The following EPHB2 variants were observed in gnomAD, a reference collection of about 807,000 sequenced individuals.
EPHB2 encodes ephrin type-B receptor 2.
A neutral mutation model predicts 96.4 loss-of-function variants in EPHB2; 18 were observed. That is an observed-to-expected ratio of 0.19 (90% CI 0.13 to 0.28). EPHB2 has a LOEUF of 0.28. Ranked by LOEUF, EPHB2 falls within the 10% of genes least tolerant of loss-of-function variation. EPHB2 has a pLI of 1.00. For missense variants in EPHB2, 989 were observed against 1,355.4 expected, an observed-to-expected ratio of 0.73 and a Z score of 4.25; for synonymous variants, 506 against 534.1, an observed-to-expected ratio of 0.95 and a Z score of 0.72.
At chr1:22,901,832 T>TGTGA (rs1490023789) in intron 9 of EPHB2, among the ~76,000 whole-genome samples, 3 of 151,832 alleles carry the variant, frequency 2.0e-5, no homozygotes, top group East Asian at 3.9e-4. Context: ...TGTGTGTGTG[T>TGTGA]GTGTGTGTGT....
At chr1:22,804,296 G>C (rs1433228249) in intron 3 of EPHB2, among the ~76,000 whole-genome samples, 1 of 147,992 alleles carries the variant, frequency 6.8e-6, no homozygotes, top group Non-Finnish European at 1.5e-5. Context: ...TGCATGGATG[G>C]AGAAAACCAA....
Position 22,720,663 on chromosome 1 carries a change from C to CCCG in EPHB2, c.61+9622_61+9623insGCC, listed in dbSNP as rs1553157965. ...AACAGGAAGCCAGAAATCTCATTCC[C>CCCG]CCCCCCCCCCGCCCCAGCACTTACC... On this transcript the variant is annotated intron_variant, in intron 1 of 15. Transcript: ENST00000374630. 1.2e-4 allele frequency among the ~76,000 whole-genome samples: 12 copies of CCCG among 99,288 alleles called. 1 individual carries two copies. In the East Asian group the frequency reaches 4.7e-3, roughly 39 times the overall value. 65.1% of individuals were successfully genotyped at this position (99,288 alleles called of 152,430 possible).
chr1:22,874,963 T>G (rs1399375289), intron 5 of EPHB2, among the ~76,000 whole-genome samples: 2 of 152,202 alleles, frequency 1.3e-5, no homozygotes, highest in Non-Finnish European at 2.9e-5. Context: ...CCTGCGGGAC[T>G]TCTCAGAGCC....
At chr1:22,756,150 G>A (rs929161286) in intron 1 of EPHB2, among the ~76,000 whole-genome samples, 13 of 152,138 alleles carry the variant, frequency 8.5e-5, no homozygotes, top group African/African-American at 2.4e-4. Flanking sequence ...TGGAAGGGGC[G>A]GCTGGGGCTA....
intron 3 of EPHB2, among the ~76,000 whole-genome samples, chr1:22,806,289 G>C (rs1328770338): frequency 6.6e-6 from 1 of 152,228 alleles, no homozygotes; most frequent in African/African-American, 2.4e-5. Context: ...AGTTTATACA[G>C]CTAATAAGTG....
chr1:22,758,999 A>G (rs1222072123), intron 1 of EPHB2, among the ~76,000 whole-genome samples: 2 of 151,758 alleles, frequency 1.3e-5, no homozygotes, highest in African/African-American at 4.8e-5. Context: ...CAGATGAATG[A>G]TGGATGGATG....
chr1:22,791,411 GA>G (rs1358831446), intron 3 of EPHB2, among the ~76,000 whole-genome samples: 9 of 147,336 alleles, frequency 6.1e-5, no homozygotes, highest in South Asian at 2.2e-4. Flanking sequence ...TTTGTTTTAA[GA>G]AAAAAATGGA....
chr1:22,911,738 G>A (rs1640110816), intron 14 of EPHB2, among the ~76,000 whole-genome samples: 1 of 152,126 alleles, frequency 6.6e-6, no homozygotes. Flanking sequence ...GCTGGCTGTA[G>A]CCAAGTCCTT....
At chr1:22,797,348 C>T (rs556528835) in intron 3 of EPHB2, among the ~76,000 whole-genome samples, 11 of 152,166 alleles carry the variant, frequency 7.2e-5, no homozygotes, top group Admixed American at 1.3e-4. Context: ...TCATCTTCTT[C>T]GACCTGCCAG....
intron 1 of EPHB2, among the ~76,000 whole-genome samples, chr1:22,713,488 C>T (rs1410850726): frequency 2.0e-5 from 3 of 152,176 alleles, no homozygotes; most frequent in Non-Finnish European, 2.9e-5. Context: ...CTGCCTGTCT[C>T]CTGGGGTGTT....
intron 5 of EPHB2, among the ~76,000 whole-genome samples, chr1:22,877,252 C>G (rs1249509857): frequency 6.6e-6 from 1 of 152,222 alleles, no homozygotes; most frequent in Non-Finnish European, 1.5e-5. Flanking sequence ...CAAGTTACTT[C>G]ACACTTCCGT....
rs1349206963 is a variant in EPHB2, at chr1:22,920,355, T to C, written c.*6785T>C. 6.6e-6 allele frequency: 1 copy of C among 152,244 alleles called. No homozygotes were observed. The highest frequency in any genetic ancestry group is 2.1e-4 in the South Asian group (1 of 4,832). The allele number at this position is 152,244 out of a possible 1,614,324, so 9.4% of individuals were successfully genotyped here. On this transcript the variant is annotated 3_prime_UTR_variant, in exon 16 of 16. Coordinates refer to ENST00000374630, the MANE Select transcript of EPHB2 (RefSeq NM_017449.5). ...GAAGCTGCAGGGCCAGGAATTTGCC[T>C]TGGGAGACCCCCACTGAGGAATATT...
intron 1 of EPHB2, among the ~76,000 whole-genome samples, chr1:22,750,346 G>A (rs10753543): frequency 0.58 from 88,017 of 151,982 alleles, 25,827 homozygotes; most frequent in East Asian, 0.75. Flanking sequence ...GCTGAGGCCC[G>A]GACCCTTCTG....
At position 22,913,423 on chromosome 1, in the gene EPHB2, C is replaced by A; in HGVS notation, c.2853-39C>A. On this transcript the variant is annotated intron_variant, in intron 15 of 15. Transcript: ENST00000374630. This position sits in a 1 kb window ranked among gnomAD's most constrained non-coding sequence, Gnocchi z 4.1. ...CTCTACCAGGCACAGGACCCCTTCA[C>A]CCGCATATTTCCCTAACACACGTGC... 2.5e-6 allele frequency: 4 copies of A among 1,610,798 alleles called. No individual in the cohort carries two copies. The highest frequency in any genetic ancestry group is 3.4e-6 in the Non-Finnish European group (4 of 1,178,588).
chr1:22,755,538 T>A (rs912773064), intron 1 of EPHB2, among the ~76,000 whole-genome samples: 1 of 152,104 alleles, frequency 6.6e-6, no homozygotes, highest in Non-Finnish European at 1.5e-5. Flanking sequence ...TTCTTGATAG[T>A]AGACAAATGG....
At chr1:22,878,117 G>A (rs1209026741) in intron 5 of EPHB2, among the ~76,000 whole-genome samples, 1 of 152,198 alleles carries the variant, frequency 6.6e-6, no homozygotes, top group East Asian at 1.9e-4. Flanking sequence ...CAGCTCTGCT[G>A]AACTCCCTGA....
intron 13 of EPHB2, 49 bp from the exon 14 acceptor site, chr1:22,910,333 C>T (rs309497): frequency 0.51 from 815,889 of 1,607,194 alleles, 211,453 homozygotes; most frequent in African/African-American, 0.75. Context: ...AGAGGGTAGA[C>T]GCCCTCAGCC....
At chr1:22,760,932 C>T (rs1019861976) in intron 1 of EPHB2, among the ~76,000 whole-genome samples, 4 of 152,180 alleles carry the variant, frequency 2.6e-5, no homozygotes, top group Non-Finnish European at 4.4e-5. Context: ...GGAACTGCAG[C>T]TCAGAGAGGT....
chr1:22,736,025 G>A (rs1259208430), intron 1 of EPHB2, among the ~76,000 whole-genome samples: 1 of 152,190 alleles, frequency 6.6e-6, no homozygotes, highest in Non-Finnish European at 1.5e-5. Context: ...TTCCCTCTCT[G>A]AGCCTCAGTT....
Sources: gnomAD v4.1 joint callset for allele counts (sites outside exome capture counted in the v4.1 genomes callset) on GRCh38, gnomAD v4.1.1 for gene constraint, Gnocchi (gnomAD v3.1) non-coding constraint, MANE v1.5 for transcripts, NCBI Gene and HGNC (gene_info 2026-07-23, HGNC 2026-07-21) for gene names.